RGPD1: variants seen among roughly 807,000 people sequenced by gnomAD.
RGPD1 encodes RANBP2 like and GRIP domain containing 1.
Under a neutral mutation model 40.6 loss-of-function variants are expected in RGPD1, and 7 were observed. That is an observed-to-expected ratio of 0.17 (90% CI 0.10 to 0.32). RGPD1 has a LOEUF of 0.32. RGPD1 is among the 10% of genes least tolerant of loss of function. The probability of loss-of-function intolerance (pLI) is 1.00; values close to 1 mark genes in which losing one functional copy is unlikely to be tolerated. For synonymous variants in RGPD1, 24 were observed against 167.0 expected, an observed-to-expected ratio of 0.14 and a Z score of 6.60; for missense variants, 50 against 472.5, an observed-to-expected ratio of 0.11 and a Z score of 8.29.
At chr2:86,914,932 C>A (rs1171864722) in intron 1 of RGPD1, among the ~76,000 whole-genome samples, 1 of 95,584 alleles carries the variant, frequency 1.0e-5, no homozygotes, top group Non-Finnish European at 2.0e-5. Flanking sequence ...TCGACCTGGC[C>A]GGGCGGCGGC....
rs541402156 is a variant in RGPD1, at chr2:86,942,330, C to T, written c.72+22C>T. ...AAAGGTGAGTGGATCTCGAAGAGAC[C>T]GACGGCCTCGACCTGGCCGGGCGGC... On this transcript the variant is annotated intron_variant, in intron 1 of 22. Transcript: ENST00000641458. The T allele has an allele frequency of 5.9e-4, 922 of 1,553,074 alleles. 15 individuals are homozygous for T. The South Asian group carries it at 1.0e-2, about 17-fold the overall frequency.
At chr2:86,941,512 T>G (rs940330569), upstream of RGPD1, among the ~76,000 whole-genome samples, 11 of 148,868 alleles carry the variant, frequency 7.4e-5, no homozygotes, top group African/African-American at 2.7e-4. Context: ...CCCAAAGTGC[T>G]GGGGCTACCG....
At chr2:86,930,646 G>A (rs1383407696) in intron 1 of RGPD1, 15 of 1,611,342 alleles carry the variant, frequency 9.3e-6, no homozygotes, top group Non-Finnish European at 1.1e-5. Context: ...CTCTCACAGA[G>A]GTAGGGCTGG....
intron 6 of RGPD1, among the ~76,000 whole-genome samples, chr2:86,962,535 ACAAT>A (rs1680994380): frequency 9.0e-6 from 1 of 111,488 alleles, no homozygotes; most frequent in African/African-American, 5.1e-5. Context: ...AAAAAAAAAG[ACAAT>A]TTATTTAACG....
rs369152998 is a variant in RGPD1, at chr2:86,913,984, G to A, written c.72+63G>A. On this transcript the variant is annotated intron_variant, in intron 1 of 22. Coordinates refer to the RGPD1 transcript ENST00000398193. ...GCGGGGCGGTGGCCTCGACCTGGCCGGGCGGCGGCGGCGGCCTCGGCCTCG... is the reference window on the plus strand; with the variant it reads ...GCGGGGCGGTGGCCTCGACCTGGCCAGGCGGCGGCGGCGGCCTCGGCCTCG... 12 of 992,988 alleles carry A rather than the reference G, an allele frequency of 1.2e-5. 2 individuals are homozygous for A. The African/African-American group carries it at 1.9e-4, about 16-fold the overall frequency. 61.5% of individuals were successfully genotyped at this position (992,988 alleles called of 1,614,324 possible).
chr2:86,937,194 C>T (rs1679413813), upstream of RGPD1, among the ~76,000 whole-genome samples: 4 of 94,152 alleles, frequency 4.2e-5, no homozygotes, highest in Admixed American at 3.4e-4. Context: ...AACAGCTATG[C>T]AGTGGCATAT....
At chr2:86,943,786 G>C (rs1277715657) in intron 1 of RGPD1, among the ~76,000 whole-genome samples, 1 of 152,278 alleles carries the variant, frequency 6.6e-6, no homozygotes, top group Admixed American at 6.5e-5. Flanking sequence ...CGAGGAGGGC[G>C]GATTGCCTGA....
upstream of RGPD1, among the ~76,000 whole-genome samples, chr2:86,941,194 C>T (rs900210749): frequency 6.6e-6 from 1 of 151,898 alleles, no homozygotes; most frequent in African/African-American, 2.4e-5. Flanking sequence ...ATCTAAAAGG[C>T]TCTCACTATT....
chr2:86,943,357 G>C (rs948169846), intron 1 of RGPD1, among the ~76,000 whole-genome samples: 1 of 138,600 alleles, frequency 7.2e-6, no homozygotes, highest in African/African-American at 2.7e-5. Flanking sequence ...CAAATCGTTA[G>C]TATGGCTTAC....
intron 1 of RGPD1, chr2:86,930,667 C>G (rs149973466): frequency 0.11 from 169,027 of 1,609,678 alleles, 14,572 homozygotes; most frequent in African/African-American, 0.46. Flanking sequence ...TTGTTCACTC[C>G]TGGGCACAGC....
At chr2:87,000,211 AT>A (rs1267946764) in intron 22 of RGPD1, among the ~76,000 whole-genome samples, 1 of 134,362 alleles carries the variant, frequency 7.4e-6, no homozygotes, top group Non-Finnish European at 1.5e-5. Flanking sequence ...TAGTTATAAA[AT>A]TAACCAGGAC....
chr2:86,947,962 T>C (rs1680424944), intron 1 of RGPD1, among the ~76,000 whole-genome samples: 3 of 86,668 alleles, frequency 3.5e-5, no homozygotes, highest in Non-Finnish European at 7.1e-5. Flanking sequence ...AATTTAGAAC[T>C]GCATAATGAA....
Position 86,962,449 on chromosome 2 carries a change from A to G in RGPD1, c.780-580A>G, listed in dbSNP as rs1372131227. ...CTTGAACCTGGGAGGTGGAGGTTGCAGTGAGCTTAGATTGTGCCATTACAC... is the reference window on the plus strand; with the variant it reads ...CTTGAACCTGGGAGGTGGAGGTTGCGGTGAGCTTAGATTGTGCCATTACAC... On this transcript the variant is annotated intron_variant, in intron 6 of 22. Transcript: ENST00000641458. Among the ~76,000 whole-genome samples the G allele has an allele frequency of 9.5e-5, 10 of 105,056 alleles. 3 individuals carry two copies. The highest frequency in any genetic ancestry group is 2.5e-4 in the African/African-American group (4 of 16,142). 68.9% of individuals were successfully genotyped at this position (105,056 alleles called of 152,430 possible). A position where few individuals can be genotyped will look rare whatever the true frequency, so the allele number is the denominator to read the frequency against.
At chr2:86,936,039 C>G (rs1455795699) in intron 1 of RGPD1, among the ~76,000 whole-genome samples, 1 of 129,270 alleles carries the variant, frequency 7.7e-6, no homozygotes, top group Non-Finnish European at 1.7e-5. Flanking sequence ...GAGTCTCGTT[C>G]TATCACCCAG....
At chr2:86,931,871 T>C (rs1251131620) in intron 1 of RGPD1, among the ~76,000 whole-genome samples, 2 of 148,778 alleles carry the variant, frequency 1.3e-5, no homozygotes, top group Admixed American at 1.3e-4. Flanking sequence ...GAGTTTGTAA[T>C]TTCCATAACT....
intron 22 of RGPD1, among the ~76,000 whole-genome samples, chr2:87,008,865 C>G (rs1392800427): frequency 5.2e-5 from 3 of 57,496 alleles, no homozygotes; most frequent in African/African-American, 2.3e-4. Context: ...TCAGTGAGCT[C>G]AAAGAGATGT....
At chr2:86,943,024 G>T (rs1284735127) in intron 1 of RGPD1, among the ~76,000 whole-genome samples, 2 of 151,102 alleles carry the variant, frequency 1.3e-5, no homozygotes, top group Admixed American at 1.3e-4. Context: ...TTCTTCCCAT[G>T]TCCTGGACAT....
At chr2:86,998,590 C>T (rs1328297978) in intron 22 of RGPD1, among the ~76,000 whole-genome samples, 1 of 62,412 alleles carries the variant, frequency 1.6e-5, no homozygotes, top group Non-Finnish European at 2.9e-5. Context: ...AGTTGGTTTC[C>T]ATGTCAGATG....
At chr2:86,945,456 A>C (rs1369163863) in intron 1 of RGPD1, among the ~76,000 whole-genome samples, 1 of 152,208 alleles carries the variant, frequency 6.6e-6, no homozygotes, top group Non-Finnish European at 1.5e-5. Context: ...ATTCTCCCCC[A>C]GTTTGGCAGA....
Sources: gnomAD v4.1 joint callset for allele counts (sites outside exome capture counted in the v4.1 genomes callset) on GRCh38, gnomAD v4.1.1 for gene constraint, MANE v1.5 for transcripts, NCBI Gene and HGNC (gene_info 2026-07-23, HGNC 2026-07-21) for gene names.